SUGCT: variants seen among roughly 807,000 people sequenced by gnomAD.
SUGCT encodes the protein succinyl-CoA:glutarate-CoA transferase, also known as succinyl-CoA:glutarate CoA-transferase.
SUGCT carries 41 observed loss-of-function variants against 55.0 expected under a neutral mutation model. That is an observed-to-expected ratio of 0.74 (90% confidence interval 0.58 to 0.97). The LOEUF (loss-of-function observed/expected upper bound fraction) is 0.97. Among genes scored for constraint, SUGCT ranks in the 50% least tolerant of loss-of-function variants. The pLI is 0.00. For missense variants in SUGCT, 568 were observed against 547.8 expected (o/e 1.04, Z -0.37); for synonymous variants, 187 against 200.4 (o/e 0.93, Z 0.56).
intron 12 of SUGCT, among the ~76,000 whole-genome samples, chr7:40,568,059 T>C (rs568585048): frequency 6.6e-6 from 1 of 152,318 alleles, no homozygotes; most frequent in Admixed American, 6.5e-5. Context: ...GATATTTCCA[T>C]TTTGCAAATG....
At chr7:40,545,618 G>A (rs865956187) in intron 12 of SUGCT, among the ~76,000 whole-genome samples, 1 of 152,180 alleles carries the variant, frequency 6.6e-6, no homozygotes. Context: ...CAAGACAAAG[G>A]AAGGAGAATA....
At position 40,516,921 on chromosome 7, in the gene SUGCT, A is replaced by T. The variant is rs548105738; in HGVS notation, c.1089+20535A>T. ...GAATATGCAATTTTCGTTCATACTGATGTCTTGTCAATATTAATTAAGTCT... is the reference window on the plus strand; with the variant it reads ...GAATATGCAATTTTCGTTCATACTGTTGTCTTGTCAATATTAATTAAGTCT... On this transcript the variant is annotated intron_variant, in intron 12 of 13. Transcript: ENST00000335693. 1.8e-3 allele frequency among the ~76,000 whole-genome samples: 281 copies of T among 152,002 alleles called. 1 individual carries two copies. Among genetic ancestry groups the T allele is most frequent in the Middle Eastern group, 6.8e-3 (2 of 294 alleles).
At chr7:40,581,211 TTTACAA>T (rs1463997998) in intron 12 of SUGCT, among the ~76,000 whole-genome samples, 13 of 152,150 alleles carry the variant, frequency 8.5e-5, no homozygotes, top group Non-Finnish European at 1.5e-4. Flanking sequence ...AGAAAAACAG[TTTACAA>T]TTAACTTGTG....
intron 12 of SUGCT, among the ~76,000 whole-genome samples, chr7:40,729,797 A>C (rs1350755070): frequency 6.6e-6 from 1 of 152,132 alleles, no homozygotes; most frequent in Non-Finnish European, 1.5e-5. Context: ...AAGCAGGAAA[A>C]CACACGCCAC....
intron 9 of SUGCT, among the ~76,000 whole-genome samples, chr7:40,425,668 A>G (rs1401735883): frequency 6.6e-6 from 1 of 152,078 alleles, no homozygotes; most frequent in Non-Finnish European, 1.5e-5. Flanking sequence ...AGTTGTGGGG[A>G]TCCTTACCTG....
intron 12 of SUGCT, among the ~76,000 whole-genome samples, chr7:40,644,373 T>C (rs1397889956): frequency 1.3e-5 from 2 of 152,200 alleles, no homozygotes; most frequent in Admixed American, 1.3e-4. Flanking sequence ...CAGCTACCCC[T>C]CAATCACTGC....
At chr7:40,630,016 G>A (rs1368737827) in intron 12 of SUGCT, among the ~76,000 whole-genome samples, 2 of 152,156 alleles carry the variant, frequency 1.3e-5, no homozygotes, top group Non-Finnish European at 2.9e-5. Context: ...TTACCAGCCT[G>A]TATTGCCATT....
At chr7:40,385,599 C>T (rs1041114002) in intron 9 of SUGCT, among the ~76,000 whole-genome samples, 1 of 152,194 alleles carries the variant, frequency 6.6e-6, no homozygotes, top group African/African-American at 2.4e-5. Flanking sequence ...TGTGCTGCTT[C>T]TCCCATATGC....
chr7:40,471,239 A>G (rs1277138892), intron 11 of SUGCT, among the ~76,000 whole-genome samples: 1 of 152,140 alleles, frequency 6.6e-6, no homozygotes, highest in Non-Finnish European at 1.5e-5. Flanking sequence ...GTTATCTAAA[A>G]TAGAGGATAA....
intron 9 of SUGCT, among the ~76,000 whole-genome samples, chr7:40,395,430 A>G (rs1226610868): frequency 6.9e-6 from 1 of 144,030 alleles, no homozygotes; most frequent in Non-Finnish European, 1.5e-5. Context: ...CAGAAGTTGC[A>G]GTGAGCCGAG....
chr7:40,511,511 C>T (rs1180759909), intron 12 of SUGCT, among the ~76,000 whole-genome samples: 3 of 152,084 alleles, frequency 2.0e-5, no homozygotes, highest in Non-Finnish European at 4.4e-5. Context: ...AGTTAATAGC[C>T]CTGTATCCAT....
downstream of SUGCT, among the ~76,000 whole-genome samples, chr7:40,863,888 G>T (rs1254295383): frequency 6.6e-6 from 1 of 151,890 alleles, no homozygotes; most frequent in Non-Finnish European, 1.5e-5. Flanking sequence ...TACTAGTACT[G>T]GTGCATGTGT....
chr7:40,773,424 C>T (rs906961274), intron 13 of SUGCT, among the ~76,000 whole-genome samples: 2 of 152,110 alleles, frequency 1.3e-5, no homozygotes, highest in Non-Finnish European at 2.9e-5. Context: ...CCACTGTGCC[C>T]GGCCGTATCT....
intron 1 of SUGCT, among the ~76,000 whole-genome samples, chr7:40,159,439 C>T (rs1746808313): frequency 6.6e-6 from 1 of 151,724 alleles, no homozygotes; most frequent in Non-Finnish European, 1.5e-5. Context: ...GATATGATAT[C>T]GGCTCACTAC....
intron 12 of SUGCT, among the ~76,000 whole-genome samples, chr7:40,720,793 C>A (rs1216008798): frequency 6.6e-6 from 1 of 152,160 alleles, no homozygotes; most frequent in Non-Finnish European, 1.5e-5. Context: ...CCTTACGTAT[C>A]ATCTTTGAAT....
chr7:40,286,845 G>A (rs557625859), intron 8 of SUGCT, among the ~76,000 whole-genome samples: 2 of 152,242 alleles, frequency 1.3e-5, no homozygotes, highest in African/African-American at 4.8e-5. Flanking sequence ...TGTTTGGCTG[G>A]GAAAGAGGGA....
chr7:40,919,215 G>T, the SUGCT span, among the ~76,000 whole-genome samples: 8 of 152,120 alleles, frequency 5.3e-5, no homozygotes, highest in African/African-American at 1.9e-4. Context: ...CCACTCATTT[G>T]CTCAGGGACT....
intron 7 of SUGCT, among the ~76,000 whole-genome samples, chr7:40,243,121 CATCTGTTTATCT>C (rs1789578568): frequency 6.7e-6 from 1 of 149,280 alleles, no homozygotes; most frequent in Admixed American, 6.8e-5. Flanking sequence ...CTCTCTCTAT[CATCTGTTTATCT>C]ATCTATCATC....
chr7:40,543,465 A>T (rs1221467360), intron 12 of SUGCT, among the ~76,000 whole-genome samples: 2 of 152,216 alleles, frequency 1.3e-5, no homozygotes, highest in Non-Finnish European at 2.9e-5. Context: ...ATAGTTTAGG[A>T]TTGGAAGACT....
Sources: allele counts gnomAD v4.1 joint callset (sites outside exome capture counted in the v4.1 genomes callset), GRCh38; gene constraint gnomAD v4.1.1; transcripts MANE v1.5; gene names NCBI Gene and HGNC (gene_info 2026-07-23, HGNC 2026-07-21).